The following FBXO27 variants were observed in gnomAD, a reference collection of about 807,000 sequenced individuals.
FBXO27 encodes the protein F-box only protein 27.
Under a neutral mutation model 28.3 loss-of-function variants are expected in FBXO27, and 28 were observed. The observed-to-expected ratio is 0.99, with a 90% confidence interval of 0.73 to 1.36. The LOEUF (loss-of-function observed/expected upper bound fraction) is 1.36. Ranked by LOEUF, FBXO27 falls within the 40% of genes most tolerant of loss-of-function variation. The probability of loss-of-function intolerance (pLI) is 0.00; values close to 1 mark genes in which losing one functional copy is unlikely to be tolerated. For missense variants in FBXO27, 388 were observed against 394.1 expected, an observed-to-expected ratio of 0.98 and a Z score of 0.13; for synonymous variants, 175 against 167.3, an observed-to-expected ratio of 1.05 and a Z score of -0.36.
chr19:39,030,132 G>A (rs750856276), intron 4 of FBXO27, among the ~76,000 whole-genome samples: 3 of 152,002 alleles, frequency 2.0e-5, no homozygotes, highest in Non-Finnish European at 2.9e-5. Context: ...ATGAGCCACC[G>A]TGCCCAGACT....
At position 39,025,255 on chromosome 19, in the gene FBXO27, T is replaced by C. The variant is rs762504940; in HGVS notation, c.*156A>G. The C allele has an allele frequency of 2.6e-4, 262 of 998,748 alleles. No homozygotes were observed. The highest frequency in any genetic ancestry group is 2.3e-4 in the Non-Finnish European group (157 of 687,786). The allele number at this position is 998,748 out of a possible 1,614,324, so 61.9% of individuals were successfully genotyped here. On this transcript the variant is annotated 3_prime_UTR_variant, in exon 6 of 6. Transcript: ENST00000292853. Reference sequence around the variant, plus strand: ...GCTTCTTCTGGTAGTTTCTAGAACCTGAAGACAGGGCCCGTCAGGGCCTTT... The same window carrying C: ...GCTTCTTCTGGTAGTTTCTAGAACCCGAAGACAGGGCCCGTCAGGGCCTTT...
At chr19:39,006,059 G>A (rs937253971) in intron 2 of FBXO27, among the ~76,000 whole-genome samples, 10 of 152,206 alleles carry the variant, frequency 6.6e-5, no homozygotes, top group Non-Finnish European at 1.2e-4. Context: ...TCTTGCCAAA[G>A]ATGTTATAAT....
At chr19:39,011,128 G>A (rs1027093641) in intron 2 of FBXO27, among the ~76,000 whole-genome samples, 14 of 152,242 alleles carry the variant, frequency 9.2e-5, no homozygotes, top group South Asian at 2.1e-4. Context: ...AAAAAAAATG[G>A]CTCTTAAAAT....
intron 2 of FBXO27, among the ~76,000 whole-genome samples, chr19:39,007,246 C>T (rs368263313): frequency 5.9e-5 from 9 of 152,112 alleles, no homozygotes; most frequent in East Asian, 1.9e-4. Flanking sequence ...CCAGTCCAAA[C>T]GGATCTGCTC....
chr19:39,028,661 G>A (rs973948608), intron 4 of FBXO27, among the ~76,000 whole-genome samples: 7 of 151,910 alleles, frequency 4.6e-5, no homozygotes, highest in Middle Eastern at 3.4e-3. Flanking sequence ...TCAGGAGTTC[G>A]AGGCCAGCCT....
intron 2 of FBXO27, among the ~76,000 whole-genome samples, chr19:39,010,889 CTT>C (rs1313945858): frequency 1.3e-5 from 2 of 152,320 alleles, no homozygotes; most frequent in East Asian, 3.9e-4. Context: ...GCCTTGAATT[CTT>C]TCCTGGGCAA....
rs540921490 is a variant in FBXO27, at chr19:39,030,986, C to T, written c.572+43G>A. On this transcript the variant is annotated intron_variant, in intron 4 of 5. Coordinates refer to ENST00000292853, the MANE Select transcript of FBXO27 (RefSeq NM_178820.5). ...ACCCATAAAAAGGCCATGTCACATG[C>T]AGTCAGTGCTTAGCAAGGGGCTATT... 8 of 1,514,174 alleles carry T rather than the reference C, an allele frequency of 5.3e-6. No homozygotes were observed. The African/African-American group carries it at 9.6e-5, about 18-fold the overall frequency. 93.8% of individuals were successfully genotyped at this position (1,514,174 alleles called of 1,614,324 possible).
rs961417634 is a variant in FBXO27, at chr19:39,025,517, C to T, written c.746G>A (p.Arg249His). The change falls in exon 6 of 6, where the codon CGC becomes CAC. Residue 249 changes from arginine (R) to histidine (H), a missense_variant. Arg to His is a conservative substitution (Grantham distance 29, BLOSUM62 0). Transcript: ENST00000292853. The stretch of plus-strand genomic sequence containing the variant: ...GCCCCGGTGTTCGAAAGACACAAAG[C>T]GGACGCCCATCTTGATGTTGGAGAA... The part of the protein sequence containing the change: ...HVFSNIKMGV[R>H]FVSFEHRGQD... The T allele has an allele frequency of 2.5e-6, 4 of 1,614,098 alleles. No individual in the cohort carries two copies. Among genetic ancestry groups the T allele is most frequent in the Non-Finnish European group, 3.4e-6 (4 of 1,180,012 alleles).
chr19:39,014,718 C>T (rs1338052795), intron 1 of FBXO27, among the ~76,000 whole-genome samples: 103 of 146,606 alleles, frequency 7.0e-4, no homozygotes, highest in African/African-American at 2.4e-3. Context: ...AGAGTAAGAC[C>T]CTGTCTAAAA....
chr19:39,008,123 G>C (rs2072778387), intron 2 of FBXO27, among the ~76,000 whole-genome samples: 1 of 152,056 alleles, frequency 6.6e-6, no homozygotes, highest in South Asian at 2.1e-4. Context: ...AAATTAGCCA[G>C]GCATGGTGGT....
At chr19:39,014,217 A>G (rs1405504156) in intron 2 of FBXO27, among the ~76,000 whole-genome samples, 1 of 152,224 alleles carries the variant, frequency 6.6e-6, no homozygotes, top group Non-Finnish European at 1.5e-5. Context: ...CAGAGCAGAC[A>G]GCAGTATCAG....
At chr19:39,020,352 G>A (rs927035017), downstream of FBXO27, among the ~76,000 whole-genome samples, 1 of 152,082 alleles carries the variant, frequency 6.6e-6, no homozygotes, top group African/African-American at 2.4e-5. Flanking sequence ...AAGTTAGGAA[G>A]TACCTTGCCA....
chr19:39,007,127 A>G (rs485226), intron 2 of FBXO27, among the ~76,000 whole-genome samples: 129,732 of 148,862 alleles, frequency 0.87, 56,702 homozygotes, highest in African/African-American at 0.94. Flanking sequence ...CCCTGGAGAC[A>G]GAGAGTTTAC....
Position 39,025,518 on chromosome 19 carries a change from G to C in FBXO27, c.745C>G (p.Arg249Gly). The C allele has an allele frequency of 6.2e-7, 1 of 1,614,100 alleles. No individual in the cohort carries two copies. The highest frequency in any genetic ancestry group is 2.2e-5 in the East Asian group (1 of 44,870). The part of the protein sequence containing the change: ...HVFSNIKMGV[R>G]FVSFEHRGQD... ...CCCCGGTGTTCGAAAGACACAAAGC[G>C]GACGCCCATCTTGATGTTGGAGAAC... The change falls in exon 6 of 6, where the codon CGC becomes GGC. Residue 249 changes from arginine to glycine, a missense_variant. Arg to Gly is a moderately radical substitution (Grantham distance 125, BLOSUM62 -2). Coordinates refer to ENST00000292853, the MANE Select transcript of FBXO27 (RefSeq NM_178820.5).
chr19:39,029,580 T>A (rs946312245), intron 4 of FBXO27, among the ~76,000 whole-genome samples: 1 of 151,974 alleles, frequency 6.6e-6, no homozygotes, highest in African/African-American at 2.4e-5. Flanking sequence ...GAGAAAGAGA[T>A]TGGGGAACGA....
chr19:39,022,225 C>T (rs904195973), downstream of FBXO27, among the ~76,000 whole-genome samples: 6 of 132,956 alleles, frequency 4.5e-5, no homozygotes, highest in Admixed American at 1.8e-4. Flanking sequence ...GTCTCAATAT[C>T]GGGGGCTCCA....
chr19:39,008,143 T>C (rs1449516938), intron 2 of FBXO27, among the ~76,000 whole-genome samples: 3 of 151,900 alleles, frequency 2.0e-5, no homozygotes, highest in African/African-American at 4.8e-5. Context: ...TGCACGCCTA[T>C]AGTCCCACTT....
intron 2 of FBXO27, among the ~76,000 whole-genome samples, chr19:39,031,633 T>G (rs1388589986): frequency 6.8e-6 from 1 of 147,048 alleles, no homozygotes; most frequent in African/African-American, 2.5e-5. Context: ...TGCGTGCCAA[T>G]GCTGCCTCGT....
chr19:39,031,789 C>A, intron 2 of FBXO27, 75 bp downstream of exon 2: 2 of 1,372,916 alleles, frequency 1.5e-6, no homozygotes, highest in African/African-American at 1.6e-5. Context: ...GGTCCCAGTG[C>A]GGCCCCGCCC....
Sources: gnomAD v4.1 joint callset for allele counts (sites outside exome capture counted in the v4.1 genomes callset) on GRCh38, gnomAD v4.1.1 for gene constraint, MANE v1.5 for transcripts, NCBI Gene and HGNC (gene_info 2026-07-23, HGNC 2026-07-21) for gene names.